Variants in CLMN observed in about 807,000 individuals in gnomAD.
CLMN encodes the protein calmin.
In CLMN, 57 loss-of-function variants were observed where a neutral mutation model predicts 92.7. The ratio of observed to expected loss-of-function variants is 0.61; its 90% CI spans 0.50 to 0.77. The LOEUF (loss-of-function observed/expected upper bound fraction) is 0.77, where lower values mean the gene tolerates loss of function less well. Ranked by LOEUF, CLMN falls within the 30% of genes least tolerant of loss-of-function variation. The pLI, the probability that CLMN is intolerant of heterozygous loss-of-function variation, is 0.00. For synonymous variants in CLMN, 466 were observed against 470.6 expected (o/e 0.99, Z 0.13); for missense variants, 1,158 against 1,237.5 (o/e 0.94, Z 0.96).
At position 95,204,275 on chromosome 14, in the gene CLMN, G is replaced by A. The variant is rs762300775; in HGVS notation, c.1074C>T (p.Ser358=). Residue 358 remains serine, a synonymous_variant, in exon 9 of 13, where the codon AGC becomes AGT. Coordinates refer to ENST00000298912, the MANE Select transcript of CLMN (RefSeq NM_024734.4). ...CACCATCCAGGCGGAATTCCTTCAT[G>A]CTCTCGGGCTTGTCACAGACAAAGA... The part of the protein sequence containing the change: ...SKVFVCDKPE[S]MKEFRLDGVS... 1 of 1,614,090 alleles carries A rather than the reference G, an allele frequency of 6.2e-7. No individual in the cohort carries two copies. Among genetic ancestry groups the A allele is most frequent in the Non-Finnish European group, 8.5e-7 (1 of 1,180,014 alleles).
intron 1 of CLMN, among the ~76,000 whole-genome samples, chr14:95,263,238 C>A (rs2140705596): frequency 6.6e-6 from 1 of 152,270 alleles, no homozygotes; most frequent in South Asian, 2.1e-4. Flanking sequence ...GTGGCAGCAG[C>A]AAGGAGAAGT....
chr14:95,297,056 C>T (rs1055646002), intron 1 of CLMN, among the ~76,000 whole-genome samples: 2 of 152,016 alleles, frequency 1.3e-5, no homozygotes, highest in Admixed American at 6.5e-5. Context: ...GGGGTGGGAG[C>T]GAAAGGGCAG....
rs751029097 is a variant in CLMN, at chr14:95,209,472, T to C, written c.808A>G (p.Met270Val). 3.7e-6 allele frequency: 6 copies of C among 1,613,746 alleles called. No individual in the cohort carries two copies. In the East Asian group the frequency reaches 1.1e-4, roughly 30 times the overall value. The change falls in exon 8 of 13, where the codon ATG becomes GTG. Residue 270 changes from methionine to valine, a missense_variant. Transcript: ENST00000298912. ...GACTGCTCGTCTGGTGTGTCAACCA[T>C]GATGTCTGTCGAGAGAGACACAGGA... ...IPRLLEPEDI[M>V]VDTPDEQSIM...
In CLMN at chr14:95,294,038, G is replaced by A. The variant is rs1174277772; in HGVS notation, c.82+25673C>T. Among the ~76,000 whole-genome samples the A allele has an allele frequency of 6.6e-6, 1 of 152,120 alleles. No homozygotes were observed. The highest frequency in any genetic ancestry group is 1.5e-5 in the Non-Finnish European group (1 of 68,012). On this transcript the variant is annotated intron_variant, in intron 1 of 12. Coordinates refer to ENST00000298912, the MANE Select transcript of CLMN (RefSeq NM_024734.4). The surrounding 1 kb of genome is among the most constrained non-coding windows in gnomAD (Gnocchi z 4.2). ...CACCAAAGAGGAGGAGGAGGAGGAG[G>A]AGGCCAGAAGTCTGGCTGGAGGGCT...
intron 1 of CLMN, among the ~76,000 whole-genome samples, chr14:95,233,546 C>G (rs777027051): frequency 6.6e-6 from 1 of 152,136 alleles, no homozygotes; most frequent in Non-Finnish European, 1.5e-5. Flanking sequence ...CTGGGCAAAA[C>G]CAGAGATGAA....
At chr14:95,201,800 A>G (rs548148714) in intron 9 of CLMN, among the ~76,000 whole-genome samples, 1 of 150,986 alleles carries the variant, frequency 6.6e-6, no homozygotes, top group East Asian at 2.0e-4. Context: ...TCATTGTTCA[A>G]CTCCCATTTA....
chr14:95,248,793 G>GT (rs1467523434), intron 1 of CLMN, among the ~76,000 whole-genome samples: 1 of 152,210 alleles, frequency 6.6e-6, no homozygotes, highest in African/African-American at 2.4e-5. Context: ...CAAGCCTGCA[G>GT]TGGGGGGAAC....
intron 8 of CLMN, among the ~76,000 whole-genome samples, chr14:95,208,040 T>C (rs1187607): frequency 0.16 from 24,739 of 152,132 alleles, 2,485 homozygotes; most frequent in East Asian, 0.43. Flanking sequence ...CCATGCTGGA[T>C]TGCAGGAATG....
chr14:95,233,831 T>C (rs943199351), intron 1 of CLMN, among the ~76,000 whole-genome samples: 1 of 152,136 alleles, frequency 6.6e-6, no homozygotes, highest in African/African-American at 2.4e-5. Flanking sequence ...CTCTGGGTGG[T>C]TTCACTTCTG....
intron 2 of CLMN, among the ~76,000 whole-genome samples, chr14:95,229,112 G>A (rs1487809004): frequency 6.6e-6 from 1 of 152,190 alleles, no homozygotes; most frequent in Non-Finnish European, 1.5e-5. Flanking sequence ...AGGAGAAAGA[G>A]GTGAAGTGAG....
chr14:95,230,170 G>T, intron 1 of CLMN, 37 bp from the exon 2 acceptor site: 1 of 1,592,068 alleles, frequency 6.3e-7, no homozygotes, highest in Non-Finnish European at 8.6e-7. Context: ...GGGAGAATAA[G>T]AAGTATGTGC....
At chr14:95,231,634 CTA>C (rs1458477482) in intron 1 of CLMN, among the ~76,000 whole-genome samples, 1 of 152,166 alleles carries the variant, frequency 6.6e-6, no homozygotes, top group African/African-American at 2.4e-5. Flanking sequence ...AAAGTACAAA[CTA>C]TTATTTTACA....
chr14:95,267,632 A>C (rs996651573), intron 1 of CLMN, among the ~76,000 whole-genome samples: 17 of 152,206 alleles, frequency 1.1e-4, no homozygotes, highest in Admixed American at 6.5e-4. Context: ...AAAAACTAAA[A>C]ATAGAAGTAC....
intron 1 of CLMN, among the ~76,000 whole-genome samples, chr14:95,238,306 G>T (rs1898125454): frequency 6.6e-6 from 1 of 152,188 alleles, no homozygotes; most frequent in Non-Finnish European, 1.5e-5. Flanking sequence ...AAATTAAATG[G>T]CAATTTCTTT....
intron 9 of CLMN, among the ~76,000 whole-genome samples, chr14:95,200,747 G>A (rs956265631): frequency 1.3e-5 from 2 of 152,116 alleles, no homozygotes; most frequent in African/African-American, 2.4e-5. Context: ...TCAGAAGAGC[G>A]CATGTCCCCT....
In CLMN at chr14:95,223,875, A is replaced by G. The variant is rs1897627139; in HGVS notation, c.145-20T>C. On this transcript the variant is annotated intron_variant, in intron 2 of 12. Coordinates refer to ENST00000298912, the MANE Select transcript of CLMN (RefSeq NM_024734.4). ...GTTGCACTTTGAAAGAGAAGGGAAG[A>G]AAGTAGCCAATTAGCAACCTGTGTG... The G allele has an allele frequency of 2.6e-6, 4 of 1,560,602 alleles. No individual in the cohort carries two copies. Among genetic ancestry groups the G allele is most frequent in the Middle Eastern group, 1.7e-4 (1 of 5,964 alleles).
chr14:95,204,961 T>C (rs1187616), intron 8 of CLMN, among the ~76,000 whole-genome samples: 43,462 of 152,012 alleles, frequency 0.29, 7,774 homozygotes, highest in African/African-American at 0.5. Context: ...AAAAGCAATT[T>C]TCTTCATATA....
intron 1 of CLMN, among the ~76,000 whole-genome samples, chr14:95,272,730 G>C (rs549890547): frequency 7.2e-5 from 11 of 152,312 alleles, no homozygotes; most frequent in African/African-American, 2.6e-4. Context: ...CTGCCTGCAC[G>C]GAGTTCATGG....
chr14:95,236,864 AC>A (rs887956419), intron 1 of CLMN, among the ~76,000 whole-genome samples: 1 of 152,042 alleles, frequency 6.6e-6, no homozygotes, highest in Non-Finnish European at 1.5e-5. Context: ...TCCTTGCCAT[AC>A]CATGTGGGGT....
Sources: gnomAD v4.1 joint callset for allele counts (sites outside exome capture counted in the v4.1 genomes callset) on GRCh38, gnomAD v4.1.1 for gene constraint, Gnocchi (gnomAD v3.1) non-coding constraint, MANE v1.5 for transcripts, NCBI Gene and HGNC (gene_info 2026-07-23, HGNC 2026-07-21) for gene names.